Variants in SNAPC3 observed in about 807,000 individuals in gnomAD.
SNAPC3 encodes the protein snRNA-activating protein complex subunit 3.
SNAPC3 carries 56 observed loss-of-function variants against 47.7 expected under a neutral mutation model. The observed-to-expected ratio is 1.18, with a 90% CI of 0.95 to 1.47. The LOEUF (loss-of-function observed/expected upper bound fraction) is 1.47. Ranked by LOEUF, SNAPC3 falls within the 40% of genes most tolerant of loss-of-function variation. The pLI, the probability that SNAPC3 is intolerant of heterozygous loss-of-function variation, is 0.00. For missense variants in SNAPC3, 665 were observed against 511.3 expected (o/e 1.30, Z -2.90); for synonymous variants, 235 against 189.9 (o/e 1.24, Z -1.95).
rs2033785962 is a variant in SNAPC3 at position 15,444,690 on chromosome 9, C to T, written c.566C>T (p.Pro189Leu). The change falls in exon 4 of 9, where the codon CCT becomes CTT. Residue 189 changes from proline to leucine, a missense_variant. Coordinates refer to ENST00000380821, the MANE Select transcript of SNAPC3 (RefSeq NM_001039697.2). Reference protein sequence around the residue: ...ELILSVNILYPVIFHKHKEHK... With the variant: ...ELILSVNILYLVIFHKHKEHK... ...ATCCTATCTGTGAATATCTTGTACCCTGTTATATTTCATAAGGTAAGTAGT... is the reference window on the plus strand; with the variant it reads ...ATCCTATCTGTGAATATCTTGTACCTTGTTATATTTCATAAGGTAAGTAGT... The T allele has an allele frequency of 1.9e-6, 3 of 1,587,610 alleles. No individual in the cohort carries two copies. Among genetic ancestry groups the T allele is most frequent in the Non-Finnish European group, 8.6e-7 (1 of 1,157,172 alleles).
Position 15,422,902 on chromosome 9 carries a change from G to A in SNAPC3, c.23G>A (p.Gly8Asp). 6.5e-7 allele frequency: 1 copy of A among 1,535,640 alleles called. No homozygotes were observed. Among genetic ancestry groups the A allele is most frequent in the Non-Finnish European group, 8.8e-7 (1 of 1,141,572 alleles). The change falls in exon 1 of 9, where the codon GGC (glycine) becomes GAC (aspartate). Residue 8 changes from glycine (G) to aspartate (D), a missense_variant. Physicochemically the swap from Gly to Asp is moderately conservative, Grantham distance 94 (BLOSUM62 -1). Transcript: ENST00000380821. ...AACATGGCTGAAGGAAGCCGAGGTGGCCCTACGTGTAGCGGGGTGGGTGGC... is the reference window on the plus strand; with the variant it reads ...AACATGGCTGAAGGAAGCCGAGGTGACCCTACGTGTAGCGGGGTGGGTGGC... MAEGSRG[G>D]PTCSGVGGRQ... is the part of the protein sequence containing the mutation.
intron 3 of SNAPC3, among the ~76,000 whole-genome samples, chr9:15,434,542 G>A (rs2032559656): frequency 6.6e-6 from 1 of 151,684 alleles, no homozygotes; most frequent in Non-Finnish European, 1.5e-5. Flanking sequence ...TAAGCAGCTG[G>A]GATTATAGGT....
At chr9:15,423,224 T>G in intron 1 of SNAPC3, 31 bp downstream of exon 1, 1 of 1,545,132 alleles carries the variant, frequency 6.5e-7, no homozygotes, top group South Asian at 1.2e-5. Context: ...CTCTTGCAGC[T>G]TGGGGTCAAA....
At chr9:15,463,748 A>G (rs2035407357), downstream of SNAPC3, 2 of 152,190 alleles carry the variant, frequency 1.3e-5, no homozygotes, top group Non-Finnish European at 2.9e-5. Context: ...GCGAACATAC[A>G]TCAACTAGTT....
chr9:15,466,691 T>C, downstream of SNAPC3: 1 of 1,355,532 alleles, frequency 7.4e-7, no homozygotes, highest in Non-Finnish European at 1.0e-6. Context: ...AACAGAACTG[T>C]GATTAAAAAC....
intron 7 of SNAPC3, among the ~76,000 whole-genome samples, chr9:15,456,020 A>G (rs2034764589): frequency 6.6e-6 from 1 of 152,116 alleles, no homozygotes; most frequent in Non-Finnish European, 1.5e-5. Flanking sequence ...GATTACAGGC[A>G]TGCGCCACCA....
chr9:15,423,641 A>G (rs2030907679), intron 1 of SNAPC3, among the ~76,000 whole-genome samples: 1 of 152,178 alleles, frequency 6.6e-6, no homozygotes, highest in Admixed American at 6.5e-5. Flanking sequence ...TTACTGAAAT[A>G]TTTCTTAAAA....
intron 3 of SNAPC3, among the ~76,000 whole-genome samples, chr9:15,440,725 G>C (rs559024418): frequency 1.3e-5 from 2 of 152,018 alleles, no homozygotes; most frequent in Admixed American, 6.6e-5. Flanking sequence ...CGAGGCGGGC[G>C]GATCACGAGG....
downstream of SNAPC3, chr9:15,463,987 G>C (rs1482578473): frequency 5.9e-6 from 1 of 168,140 alleles, no homozygotes; most frequent in Non-Finnish European, 1.3e-5. Context: ...AGTTAACTAA[G>C]AAATTATTTC....
In SNAPC3 at chr9:15,447,213, C is replaced by T; in HGVS notation, c.701C>T (p.Thr234Ile). Reference sequence around the variant, plus strand: ...CAGATTGGTGGTGAATTCAGCAACACTCCTGACCAAGCCCCTGAGCACATC... The same window carrying T: ...CAGATTGGTGGTGAATTCAGCAACATTCCTGACCAAGCCCCTGAGCACATC... ...DLQIGGEFSN[T>I]PDQAPEHISK... The change falls in exon 5 of 9, where the codon ACT becomes ATT. Residue 234 changes from threonine to isoleucine, a missense_variant. Thr to Ile is a moderately conservative substitution (Grantham distance 89). Coordinates refer to ENST00000380821, the MANE Select transcript of SNAPC3 (RefSeq NM_001039697.2). 1.2e-6 allele frequency: 2 copies of T among 1,614,122 alleles called. No homozygotes were observed. The highest frequency in any genetic ancestry group is 1.7e-6 in the Non-Finnish European group (2 of 1,179,980).
chr9:15,466,704 G>C (rs781133222), downstream of SNAPC3: 2 of 1,466,324 alleles, frequency 1.4e-6, no homozygotes, highest in East Asian at 2.3e-5. Context: ...TTAAAAACCT[G>C]AATAATAAAA....
intron 2 of SNAPC3, among the ~76,000 whole-genome samples, chr9:15,430,582 A>G (rs920596170): frequency 4.6e-5 from 7 of 152,242 alleles, no homozygotes; most frequent in African/African-American, 1.7e-4. Flanking sequence ...ATTTCTAGTA[A>G]TTTATACCAA....
At chr9:15,449,563 A>ATTT (rs568645696) in intron 5 of SNAPC3, among the ~76,000 whole-genome samples, 18 of 39,508 alleles carry the variant, frequency 4.6e-4, no homozygotes, top group African/African-American at 1.4e-3. Context: ...ATATATATAT[A>ATTT]TTTTTTTTTT....
At chr9:15,441,737 C>T (rs2033401395) in intron 3 of SNAPC3, among the ~76,000 whole-genome samples, 1 of 152,120 alleles carries the variant, frequency 6.6e-6, no homozygotes, top group South Asian at 2.1e-4. Context: ...AACAGCATCC[C>T]AAGGCAGAAG....
chr9:15,443,136 G>A (rs1407721701), intron 3 of SNAPC3, among the ~76,000 whole-genome samples: 1 of 152,210 alleles, frequency 6.6e-6, no homozygotes, highest in Non-Finnish European at 1.5e-5. Flanking sequence ...GTCCAGCTTT[G>A]GCTCGGCATC....
intron 5 of SNAPC3, among the ~76,000 whole-genome samples, chr9:15,449,498 A>G (rs1328512153): frequency 6.9e-6 from 1 of 145,258 alleles, no homozygotes; most frequent in African/African-American, 2.5e-5. Flanking sequence ...ATGTTTACAT[A>G]TCTCCTGTTA....
intron 2 of SNAPC3, among the ~76,000 whole-genome samples, chr9:15,428,378 G>C (rs1324934950): frequency 6.6e-6 from 1 of 151,032 alleles, no homozygotes; most frequent in Non-Finnish European, 1.5e-5. Flanking sequence ...TCGTGGTGGC[G>C]GGCGCCTGTA....
intron 7 of SNAPC3, among the ~76,000 whole-genome samples, chr9:15,457,199 A>G (rs1399603718): frequency 1.3e-5 from 2 of 152,178 alleles, no homozygotes; most frequent in African/African-American, 4.8e-5. Flanking sequence ...ATTAGATTTT[A>G]ATAAAGGAGA....
At chr9:15,463,712 T>C (rs1342442129), downstream of SNAPC3, 6 of 152,124 alleles carry the variant, frequency 3.9e-5, no homozygotes, top group African/African-American at 1.4e-4. Flanking sequence ...AGAGTTATGA[T>C]TAAAGAAACA....
Sources: gnomAD v4.1 joint callset for allele counts (sites outside exome capture counted in the v4.1 genomes callset) on GRCh38, gnomAD v4.1.1 for gene constraint, MANE v1.5 for transcripts, NCBI Gene and HGNC (gene_info 2026-07-23, HGNC 2026-07-21) for gene names.